GAP43: variants seen among roughly 807,000 people sequenced by gnomAD.
The protein encoded by GAP43 is growth associated protein 43, also known as neuromodulin.
A neutral mutation model predicts 18.6 loss-of-function variants in GAP43; 6 were observed. The ratio of observed to expected loss-of-function variants is 0.32; its 90% CI spans 0.18 to 0.64. The LOEUF (loss-of-function observed/expected upper bound fraction) is 0.64. Ranked by LOEUF, GAP43 falls within the 30% of genes least tolerant of loss-of-function variation. The pLI is 0.78. For missense variants in GAP43, 292 were observed against 295.5 expected (o/e 0.99, Z 0.09); for synonymous variants, 115 against 111.4 (o/e 1.03, Z -0.20).
chr3:115,640,965 C>G (rs200083144), intron 1 of GAP43, among the ~76,000 whole-genome samples: 1 of 137,564 alleles, frequency 7.3e-6, no homozygotes, highest in African/African-American at 2.6e-5. Flanking sequence ...CTCCCTCCTT[C>G]CCTTCCTTCC....
chr3:115,669,971 ATT>A (rs1253749079), intron 1 of GAP43, among the ~76,000 whole-genome samples: 20 of 95,486 alleles, frequency 2.1e-4, no homozygotes, highest in South Asian at 6.7e-4. Context: ...TTTTATTTTT[ATT>A]TTTTTTTTTT....
Position 115,684,158 on chromosome 3 carries a change from A to G in GAP43, c.628+7548A>G, listed in dbSNP as rs910536748. Among the ~76,000 whole-genome samples, 6 of 152,360 alleles carry G rather than the reference A, an allele frequency of 3.9e-5. No homozygotes were observed. In the East Asian group the frequency reaches 1.2e-3, roughly 29 times the overall value. On this transcript the variant is annotated intron_variant, in intron 2 of 2. Coordinates refer to ENST00000305124, the MANE Select transcript of GAP43 (RefSeq NM_002045.4). ...CCTTTCTTTGTAAAACATGTTCAACATAAATATTCTATCCTGGTGGCACAT... is the reference window on the plus strand; with the variant it reads ...CCTTTCTTTGTAAAACATGTTCAACGTAAATATTCTATCCTGGTGGCACAT...
Position 115,678,588 on chromosome 3 carries a change from T to C in GAP43, c.628+1978T>C, listed in dbSNP as rs189427332. 1.1e-3 allele frequency among the ~76,000 whole-genome samples: 165 copies of C among 152,320 alleles called. 1 individual carries two copies. Among genetic ancestry groups the C allele is most frequent in the African/African-American group, 3.8e-3 (159 of 41,562 alleles). Reference sequence around the variant, plus strand: ...ATTTAAATTATAGATAATAATTTGTTCACTCATTTATATATTTCTCTTGCA... The same window carrying C: ...ATTTAAATTATAGATAATAATTTGTCCACTCATTTATATATTTCTCTTGCA... On this transcript the variant is annotated intron_variant, in intron 2 of 2. Transcript: ENST00000305124.
intron 1 of GAP43, among the ~76,000 whole-genome samples, chr3:115,650,369 T>C (rs1243098557): frequency 6.6e-6 from 1 of 152,180 alleles, no homozygotes; most frequent in Non-Finnish European, 1.5e-5. Flanking sequence ...ACCTCAGTAC[T>C]GATTATGTGC....
chr3:115,683,127 G>A (rs891595264), intron 2 of GAP43, among the ~76,000 whole-genome samples: 3 of 27,902 alleles, frequency 1.1e-4, no homozygotes, highest in Non-Finnish European at 3.4e-4. Flanking sequence ...ATACATGTGC[G>A]CGCGCGTGCG....
intron 2 of GAP43, among the ~76,000 whole-genome samples, chr3:115,698,140 A>T (rs71616167): frequency 0.17 from 6,916 of 40,486 alleles, 840 homozygotes; most frequent in Non-Finnish European, 0.21. Context: ...TAATATATAT[A>T]ATATATATTA....
chr3:115,695,301 G>A (rs970431250), intron 2 of GAP43, among the ~76,000 whole-genome samples: 2 of 152,148 alleles, frequency 1.3e-5, no homozygotes, highest in African/African-American at 4.8e-5. Context: ...CTGTCATCAA[G>A]CACTGTTAAA....
At chr3:115,659,368 CAA>C (rs1372608645) in intron 1 of GAP43, among the ~76,000 whole-genome samples, 1 of 152,132 alleles carries the variant, frequency 6.6e-6, no homozygotes, top group East Asian at 1.9e-4. Context: ...CAATTGCACA[CAA>C]GTTTCTTTTT....
chr3:115,665,703 G>A (rs1708723739), intron 1 of GAP43, among the ~76,000 whole-genome samples: 1 of 152,072 alleles, frequency 6.6e-6, no homozygotes, highest in African/African-American at 2.4e-5. Context: ...TACTAGATAT[G>A]AGGTATATAA....
intron 2 of GAP43, among the ~76,000 whole-genome samples, chr3:115,696,241 CCTT>C (rs1413168601): frequency 1.3e-5 from 2 of 152,046 alleles, no homozygotes; most frequent in African/African-American, 2.4e-5. Flanking sequence ...TGAACTTACT[CCTT>C]CTCCCGTCTT....
At chr3:115,686,347 A>G (rs1709032637) in intron 2 of GAP43, among the ~76,000 whole-genome samples, 1 of 152,236 alleles carries the variant, frequency 6.6e-6, no homozygotes, top group African/African-American at 2.4e-5. Context: ...CAACATTCGC[A>G]GTCATTTCTG....
chr3:115,633,659 G>A (rs1320296449), intron 1 of GAP43, among the ~76,000 whole-genome samples: 1 of 152,162 alleles, frequency 6.6e-6, no homozygotes, highest in East Asian at 1.9e-4. Context: ...AGAAAGGTCA[G>A]AGCAAATCTC....
rs1466556255 is a variant in GAP43 at position 115,676,144 on chromosome 3, G to A, written c.162G>A (p.Glu54=). 1 of 1,614,072 alleles carries A rather than the reference G, an allele frequency of 6.2e-7. No homozygotes were observed. Among genetic ancestry groups the A allele is most frequent in the Non-Finnish European group, 8.5e-7 (1 of 1,180,056 alleles). Residue 54 remains glutamate, a synonymous_variant, in exon 2 of 3, where the codon GAG becomes GAA. Coordinates refer to ENST00000305124, the MANE Select transcript of GAP43 (RefSeq NM_002045.4). ...TAACAAGGAAAAAGCTCAAAGGAGA[G>A]AAGAAGGATGATGTCCAAGCTGCTG... ...GHITRKKLKG[E]KKDDVQAAEA...
At chr3:115,663,974 C>CGA in intron 1 of GAP43, 1 of 1,490,234 alleles carries the variant, frequency 6.7e-7, no homozygotes, top group Non-Finnish European at 9.1e-7. Flanking sequence ...CCTGACTCTG[C>CGA]CACTTACTAG....
intron 1 of GAP43, among the ~76,000 whole-genome samples, chr3:115,654,553 A>G (rs1708557699): frequency 2.0e-5 from 3 of 152,166 alleles, no homozygotes; most frequent in African/African-American, 7.2e-5. Context: ...TTCCTGGGGC[A>G]CAACGAATCA....
At chr3:115,662,656 C>T (rs1708679249) in intron 1 of GAP43, among the ~76,000 whole-genome samples, 1 of 152,146 alleles carries the variant, frequency 6.6e-6, no homozygotes, top group African/African-American at 2.4e-5. Context: ...CTCTTGAACT[C>T]AGGAGAGTCT....
chr3:115,624,897 G>A (rs552335848), intron 1 of GAP43, among the ~76,000 whole-genome samples: 1 of 151,966 alleles, frequency 6.6e-6, no homozygotes, highest in Admixed American at 6.5e-5. Context: ...TGACTGTGGT[G>A]GGGGTGGGGG....
intron 2 of GAP43, among the ~76,000 whole-genome samples, chr3:115,718,306 A>C (rs548678819): frequency 6.6e-6 from 1 of 152,316 alleles, no homozygotes; most frequent in African/African-American, 2.4e-5. Flanking sequence ...CATACTTGTA[A>C]TATCCAAAGG....
Position 115,680,824 on chromosome 3 carries a change from A to T in GAP43, c.628+4214A>T, listed in dbSNP as rs866881975. On this transcript the variant is annotated intron_variant, in intron 2 of 2. Coordinates refer to ENST00000305124, the MANE Select transcript of GAP43 (RefSeq NM_002045.4). Reference sequence around the variant, plus strand: ...ATACCCAGCTCATATTTCTGAATTTAAAAAATTATTTATGTTTCCCAGAAC... The same window carrying T: ...ATACCCAGCTCATATTTCTGAATTTTAAAAATTATTTATGTTTCCCAGAAC... 6.6e-5 allele frequency among the ~76,000 whole-genome samples: 10 copies of T among 152,366 alleles called. No individual in the cohort carries two copies. In the South Asian group the frequency reaches 1.9e-3, roughly 28 times the overall value.
Sources: allele counts gnomAD v4.1 joint callset (sites outside exome capture counted in the v4.1 genomes callset), GRCh38; gene constraint gnomAD v4.1.1; transcripts MANE v1.5; gene names NCBI Gene and HGNC (gene_info 2026-07-23, HGNC 2026-07-21).